LHFPL6: variants seen among roughly 807,000 people sequenced by gnomAD.
The protein encoded by LHFPL6 is LHFPL tetraspan subfamily member 6.
Under a neutral mutation model 20.6 loss-of-function variants are expected in LHFPL6, and 9 were observed. The ratio of observed to expected loss-of-function variants is 0.44; its 90% CI spans 0.26 to 0.76. LHFPL6 has a LOEUF of 0.76. Among genes scored for constraint, LHFPL6 ranks in the 30% least tolerant of loss-of-function variants. The pLI, the probability that LHFPL6 is intolerant of heterozygous loss-of-function variation, is 0.20. For missense variants in LHFPL6, 218 were observed against 253.5 expected (o/e 0.86, Z 0.95); for synonymous variants, 105 against 98.7 (o/e 1.06, Z -0.38).
At chr13:39,392,904 G>T (rs570101761) in intron 2 of LHFPL6, among the ~76,000 whole-genome samples, 1 of 152,134 alleles carries the variant, frequency 6.6e-6, no homozygotes, top group African/African-American at 2.4e-5. Context: ...ACCAGCTGTG[G>T]ATCAAAAATA....
At chr13:39,415,392 T>C (rs1404304827) in intron 2 of LHFPL6, among the ~76,000 whole-genome samples, 1 of 152,106 alleles carries the variant, frequency 6.6e-6, no homozygotes, top group Non-Finnish European at 1.5e-5. Context: ...TGCATGTGTA[T>C]GCACATGCAT....
intron 2 of LHFPL6, among the ~76,000 whole-genome samples, chr13:39,536,858 T>A (rs538789109): frequency 2.0e-5 from 3 of 152,238 alleles, no homozygotes; most frequent in Non-Finnish European, 4.4e-5. Flanking sequence ...TAGTTTCCTT[T>A]TAAGCAGTCA....
At chr13:39,370,940 A>G (rs1048199045) in intron 3 of LHFPL6, among the ~76,000 whole-genome samples, 1 of 152,216 alleles carries the variant, frequency 6.6e-6, no homozygotes, top group Non-Finnish European at 1.5e-5. Flanking sequence ...GAAATTGCAA[A>G]CAGATTTTTC....
chr13:39,561,071 G>A (rs190126960), intron 2 of LHFPL6, among the ~76,000 whole-genome samples: 28 of 151,822 alleles, frequency 1.8e-4, no homozygotes, highest in African/African-American at 5.8e-4. Flanking sequence ...CACATCCATG[G>A]TGCTCCCTCT....
At chr13:39,522,911 T>C (rs1008088857) in intron 2 of LHFPL6, among the ~76,000 whole-genome samples, 11 of 152,224 alleles carry the variant, frequency 7.2e-5, no homozygotes. Context: ...GATGGATTCA[T>C]AGCTGGTAAA....
rs561396182 is a variant in LHFPL6, at chr13:39,553,797, T to C, written c.385+47035A>G. Among the ~76,000 whole-genome samples the C allele has an allele frequency of 4.6e-5, 7 of 152,334 alleles. No homozygotes were observed. In the South Asian group the frequency reaches 8.3e-4, roughly 18 times the overall value. On this transcript the variant is annotated intron_variant, in intron 2 of 3. Coordinates refer to ENST00000379589, the MANE Select transcript of LHFPL6 (RefSeq NM_005780.3). ...TGAAAACAAACTTTACCTAGCCTGC[T>C]GGATGAACAGAAACAGATAGTGGAA... is the stretch of plus-strand genomic sequence containing the variant.
chr13:39,396,218 C>T (rs1397600594), intron 2 of LHFPL6, among the ~76,000 whole-genome samples: 5 of 152,022 alleles, frequency 3.3e-5, no homozygotes, highest in Admixed American at 3.3e-4. Context: ...GCTGCCCCCA[C>T]CAGGATGGGG....
intron 2 of LHFPL6, among the ~76,000 whole-genome samples, chr13:39,475,580 C>T (rs764548130): frequency 1.3e-5 from 2 of 152,034 alleles, no homozygotes; most frequent in Admixed American, 6.6e-5. Context: ...TTGTAACAGA[C>T]GATGCCAGGT....
intron 2 of LHFPL6, among the ~76,000 whole-genome samples, chr13:39,565,511 T>A (rs1871685503): frequency 6.6e-6 from 1 of 152,192 alleles, no homozygotes; most frequent in South Asian, 2.1e-4. Flanking sequence ...AACAAGCTGC[T>A]GAATGAGGAG....
intron 2 of LHFPL6, among the ~76,000 whole-genome samples, chr13:39,431,729 G>A (rs1020169424): frequency 7.8e-6 from 1 of 128,372 alleles, no homozygotes; most frequent in African/African-American, 2.9e-5. Flanking sequence ...GGGGGGGGGG[G>A]CTTCCTCTCA....
chr13:39,415,406 T>C (rs952777427), intron 2 of LHFPL6, among the ~76,000 whole-genome samples: 4 of 152,124 alleles, frequency 2.6e-5, no homozygotes, highest in Non-Finnish European at 4.4e-5. Context: ...CATGCATGTG[T>C]ATGCATACGC....
At chr13:39,537,996 T>C (rs1462372999) in intron 2 of LHFPL6, among the ~76,000 whole-genome samples, 3 of 143,046 alleles carry the variant, frequency 2.1e-5, no homozygotes, top group Admixed American at 1.4e-4. Flanking sequence ...TTCTTTCTTT[T>C]TTTTTTTTTT....
At chr13:39,599,118 G>A (rs181315114) in intron 2 of LHFPL6, among the ~76,000 whole-genome samples, 180 of 152,114 alleles carry the variant, frequency 1.2e-3, no homozygotes, top group African/African-American at 4.2e-3. Flanking sequence ...TTCATTACAC[G>A]TTTAAAGATA....
intron 2 of LHFPL6, among the ~76,000 whole-genome samples, chr13:39,595,890 T>C (rs1872756167): frequency 6.6e-6 from 1 of 152,196 alleles, no homozygotes; most frequent in African/African-American, 2.4e-5. Flanking sequence ...CTAATCATTC[T>C]ATGTTTCCAA....
chr13:39,430,800 G>C (rs1871773845), intron 2 of LHFPL6, among the ~76,000 whole-genome samples: 1 of 152,060 alleles, frequency 6.6e-6, no homozygotes, highest in African/African-American at 2.4e-5. Flanking sequence ...TGTAAAAATG[G>C]ACCAATCAGC....
At chr13:39,480,244 C>A (rs1381202013) in intron 2 of LHFPL6, among the ~76,000 whole-genome samples, 4 of 152,126 alleles carry the variant, frequency 2.6e-5, no homozygotes, top group Non-Finnish European at 5.9e-5. Context: ...GTACTGTTAA[C>A]CTCCTGGATA....
intron 2 of LHFPL6, among the ~76,000 whole-genome samples, chr13:39,522,641 A>T (rs1052189447): frequency 1.3e-5 from 2 of 152,084 alleles, no homozygotes; most frequent in African/African-American, 4.8e-5. Flanking sequence ...CCCAAACAAG[A>T]TCTATTTCTT....
rs115646360 is a variant in LHFPL6, at chr13:39,371,654, C to T, written c.484+6774G>A. ...GCTACACTGATGATAGGACCACAGA[C>T]AGTGAAGTCTGACAAAAGAAAGAAA... On this transcript the variant is annotated intron_variant, in intron 3 of 3. Transcript: ENST00000379589. Among the ~76,000 whole-genome samples, 1,120 of 152,362 alleles carry T rather than the reference C, an allele frequency of 7.4e-3. 13 individuals are homozygous for T. The highest frequency in any genetic ancestry group is 0.026 in the African/African-American group (1,079 of 41,586).
intron 2 of LHFPL6, among the ~76,000 whole-genome samples, chr13:39,396,076 C>CT (rs1875573678): frequency 6.6e-6 from 1 of 152,028 alleles, no homozygotes; most frequent in African/African-American, 2.4e-5. Context: ...AGTTTTGCAG[C>CT]TTTTTCTGCT....
Sources: gnomAD v4.1 joint callset for allele counts (sites outside exome capture counted in the v4.1 genomes callset) on GRCh38, gnomAD v4.1.1 for gene constraint, MANE v1.5 for transcripts, NCBI Gene and HGNC (gene_info 2026-07-23, HGNC 2026-07-21) for gene names.